The following RPA3 variants were observed in gnomAD, a reference collection of about 807,000 sequenced individuals.
The protein encoded by RPA3 is replication protein A 14 kDa subunit.
In RPA3, 24 loss-of-function variants were observed where a neutral mutation model predicts 13.7. That is an observed-to-expected ratio of 1.75 (90% confidence interval 1.27 to 2.46). RPA3 has a LOEUF of 2.46. Among genes scored for constraint, RPA3 ranks in the 30% most tolerant of loss-of-function variants. The pLI, the probability that RPA3 is intolerant of heterozygous loss-of-function variation, is 0.00. For synonymous variants in RPA3, 59 were observed against 51.2 expected, an observed-to-expected ratio of 1.15 and a Z score of -0.65; for missense variants, 183 against 151.0, an observed-to-expected ratio of 1.21 and a Z score of -1.11.
chr7:7,689,584 T>C lies in RPA3; in HGVS notation c.-1027-2256A>G, dbSNP rs1241582499. On this transcript the variant is annotated intron_variant, in intron 2 of 7. Transcript: ENST00000223129. ...CTTATAATGCTATCTCCCTGGATAATCTTTTCTTGGTAGAGCCCCTGTTTT... is the reference window on the plus strand; with the variant it reads ...CTTATAATGCTATCTCCCTGGATAACCTTTTCTTGGTAGAGCCCCTGTTTT... 2.6e-5 allele frequency: 4 copies of C among 152,186 alleles called. No homozygotes were observed. The East Asian group carries it at 7.7e-4, about 29-fold the overall frequency. 9.4% of individuals were successfully genotyped at this position (152,186 alleles called of 1,614,324 possible).
intron 2 of RPA3, among the ~76,000 whole-genome samples, chr7:7,708,971 G>C (rs1371906598): frequency 6.6e-6 from 1 of 151,940 alleles, no homozygotes; most frequent in Non-Finnish European, 1.5e-5. Context: ...GAGAAAGGGA[G>C]AGGAAGGGAG....
chr7:7,638,719 A>G (rs150840566), intron 6 of RPA3: 1 of 172,906 alleles, frequency 5.8e-6, no homozygotes, highest in East Asian at 1.6e-4. Flanking sequence ...ACAGAGTGAG[A>G]CCCTGTCTCA....
At chr7:7,708,382 T>G (rs908365246) in intron 2 of RPA3, among the ~76,000 whole-genome samples, 5 of 152,212 alleles carry the variant, frequency 3.3e-5, no homozygotes, top group African/African-American at 1.2e-4. Flanking sequence ...TGTAGAGAGA[T>G]ATATATTATA....
chr7:7,718,052 G>A (rs1457494282), intron 1 of RPA3, among the ~76,000 whole-genome samples: 2 of 152,150 alleles, frequency 1.3e-5, no homozygotes, highest in East Asian at 3.8e-4. Flanking sequence ...TTAGCAGTGT[G>A]TTGAATAACC....
chr7:7,668,942 A>G (rs1241562704), intron 4 of RPA3, among the ~76,000 whole-genome samples: 1 of 152,160 alleles, frequency 6.6e-6, no homozygotes, highest in Admixed American at 6.5e-5. Flanking sequence ...GAAAGGAACC[A>G]TGTAGACATG....
intron 4 of RPA3, among the ~76,000 whole-genome samples, chr7:7,682,057 G>A (rs1284291685): frequency 6.6e-6 from 1 of 152,116 alleles, no homozygotes; most frequent in Non-Finnish European, 1.5e-5. Flanking sequence ...TTTGAAGCAG[G>A]CAGAATGAAA....
intron 4 of RPA3, among the ~76,000 whole-genome samples, chr7:7,656,642 G>A (rs957353340): frequency 3.3e-5 from 5 of 152,156 alleles, no homozygotes; most frequent in African/African-American, 9.7e-5. Flanking sequence ...CAAAGGATAT[G>A]AACTCATTCT....
At chr7:7,698,694 A>G (rs753796812) in intron 2 of RPA3, among the ~76,000 whole-genome samples, 2 of 151,728 alleles carry the variant, frequency 1.3e-5, no homozygotes, top group African/African-American at 2.4e-5. Context: ...CATCCTTTCA[A>G]CCTTCTTTCT....
intron 4 of RPA3, among the ~76,000 whole-genome samples, chr7:7,644,029 C>T (rs149873177): frequency 8.5e-5 from 13 of 152,120 alleles, no homozygotes; most frequent in African/African-American, 2.7e-4. Context: ...AAATGATTTC[C>T]CCAAATGGTG....
At chr7:7,666,329 G>A (rs1277917950) in intron 4 of RPA3, among the ~76,000 whole-genome samples, 2 of 151,824 alleles carry the variant, frequency 1.3e-5, no homozygotes, top group African/African-American at 4.8e-5. Context: ...TCAGCCTGCC[G>A]AATAGCTGGG....
chr7:7,710,695 G>T (rs1048724422), intron 2 of RPA3, among the ~76,000 whole-genome samples: 2 of 152,138 alleles, frequency 1.3e-5, no homozygotes, highest in Admixed American at 6.6e-5. Flanking sequence ...TACACTTTGG[G>T]CATTTATCCC....
At chr7:7,706,160 T>C (rs533346260) in intron 2 of RPA3, among the ~76,000 whole-genome samples, 2 of 152,150 alleles carry the variant, frequency 1.3e-5, no homozygotes, top group Non-Finnish European at 2.9e-5. Flanking sequence ...TGTTGACTGA[T>C]TTGGGGAAGA....
intron 4 of RPA3, among the ~76,000 whole-genome samples, chr7:7,660,328 A>T (rs1285271794): frequency 1.3e-5 from 2 of 152,144 alleles, no homozygotes; most frequent in East Asian, 3.9e-4. Context: ...TTATGTGTGA[A>T]TTTGATCCTG....
At chr7:7,654,221 T>G (rs1370947240) in intron 4 of RPA3, among the ~76,000 whole-genome samples, 1 of 152,224 alleles carries the variant, frequency 6.6e-6, no homozygotes, top group Non-Finnish European at 1.5e-5. Context: ...TAGTAGATAC[T>G]TTGAGGCTCA....
At position 7,640,395 on chromosome 7, in the gene RPA3, G is replaced by A. The variant is rs914378419; in HGVS notation, c.24C>T (p.Pro8=). Residue 8 remains proline (P), a synonymous_variant, in exon 5 of 8, where the codon CCC becomes CCT. Transcript: ENST00000223129. Reference sequence around the variant, plus strand: ...GCATGCCGGCGTTGATGCGCGACCTGGGCAAGTCCATCATGTCCACCATGA... The same window carrying A: ...GCATGCCGGCGTTGATGCGCGACCTAGGCAAGTCCATCATGTCCACCATGA... MVDMMDL[P]RSRINAGMLA... 1.2e-6 allele frequency: 2 copies of A among 1,614,002 alleles called. No individual in the cohort carries two copies. The highest frequency in any genetic ancestry group is 1.3e-5 in the African/African-American group (1 of 75,020).
intron 2 of RPA3, among the ~76,000 whole-genome samples, chr7:7,689,863 C>G (rs868588661): frequency 1.2e-4 from 18 of 152,130 alleles, no homozygotes; most frequent in African/African-American, 3.4e-4. Flanking sequence ...CATATTACTG[C>G]TACAAAGCAG....
At chr7:7,698,194 A>G (rs1299354021) in intron 2 of RPA3, among the ~76,000 whole-genome samples, 1 of 152,228 alleles carries the variant, frequency 6.6e-6, no homozygotes, top group Non-Finnish European at 1.5e-5. Flanking sequence ...TTGAATTGCT[A>G]TATGCTTCAT....
At chr7:7,712,784 T>C (rs578210662) in intron 2 of RPA3, among the ~76,000 whole-genome samples, 2 of 152,352 alleles carry the variant, frequency 1.3e-5, no homozygotes, top group South Asian at 4.1e-4. Context: ...TTTGCAATTG[T>C]GAACTACTAC....
At chr7:7,664,747 C>T (rs1047767889) in intron 4 of RPA3, among the ~76,000 whole-genome samples, 8 of 152,160 alleles carry the variant, frequency 5.3e-5, no homozygotes, top group African/African-American at 1.7e-4. Flanking sequence ...TGCTTTCTAG[C>T]GTTGTTTTAG....
Sources: gnomAD v4.1 joint callset for allele counts (sites outside exome capture counted in the v4.1 genomes callset) on GRCh38, gnomAD v4.1.1 for gene constraint, MANE v1.5 for transcripts, NCBI Gene and HGNC (gene_info 2026-07-23, HGNC 2026-07-21) for gene names.